The following SMARCA4 variants were observed in gnomAD, a reference collection of about 807,000 sequenced individuals.
SMARCA4 encodes the protein SWI/SNF related BAF chromatin remodeling complex subunit ATPase 4.
A neutral mutation model predicts 193.9 loss-of-function variants in SMARCA4; 31 were observed. The observed-to-expected ratio is 0.16, with a 90% confidence interval of 0.12 to 0.22. The LOEUF (loss-of-function observed/expected upper bound fraction) is 0.22, where lower values mean the gene tolerates loss of function less well. Among genes scored for constraint, SMARCA4 ranks in the 10% least tolerant of loss-of-function variants. SMARCA4 has a pLI of 1.00. For missense variants in SMARCA4, 1,148 were observed against 2,296.0 expected (o/e 0.50, Z 10.22); for synonymous variants, 942 against 933.1 (o/e 1.01, Z -0.17).
intron 33 of SMARCA4, 66 bp from the exon 34 acceptor site, chr19:11,059,978 GC>G: frequency 2.5e-6 from 4 of 1,611,364 alleles, no homozygotes; most frequent in Non-Finnish European, 3.4e-6. Context: ...GCTCCCAGAC[GC>G]CCCTTGCTGT....
chr19:11,019,403 C>T lies in SMARCA4; in HGVS notation c.2506-188C>T, dbSNP rs1050200292. Reference sequence around the variant, plus strand: ...CCTGCACTGCTTCCTCTTCCCCCTGCAGCGCGTGTTCTGCGTGGTGAGGTC... The same window carrying T: ...CCTGCACTGCTTCCTCTTCCCCCTGTAGCGCGTGTTCTGCGTGGTGAGGTC... On this transcript the variant is annotated intron_variant, in intron 17 of 34. Coordinates refer to ENST00000344626, the MANE Select transcript of SMARCA4 (RefSeq NM_003072.5). The surrounding 1 kb of genome is among the most constrained non-coding windows in gnomAD (Gnocchi z 6.1). 4.8e-6 allele frequency: 3 copies of T among 625,334 alleles called. No homozygotes were observed. The highest frequency in any genetic ancestry group is 8.6e-6 in the Non-Finnish European group (3 of 347,198). 38.7% of individuals were successfully genotyped at this position (625,334 alleles called of 1,614,324 possible). A position where few individuals can be genotyped will look rare whatever the true frequency, so the allele number is the denominator to read the frequency against.
chr19:10,966,799 A>G (rs529873601), intron 1 of SMARCA4, among the ~76,000 whole-genome samples: 2 of 151,648 alleles, frequency 1.3e-5, no homozygotes, highest in Non-Finnish European at 2.9e-5. Context: ...GAGGCAGGAG[A>G]ATTGCTTGAA....
intron 13 of SMARCA4, among the ~76,000 whole-genome samples, chr19:11,004,957 A>G (rs761302858): frequency 5.9e-4 from 89 of 151,828 alleles, no homozygotes; most frequent in Non-Finnish European, 1.2e-3. Flanking sequence ...CTCCTGCCTC[A>G]GCCTCCCGGG....
intron 16 of SMARCA4, among the ~76,000 whole-genome samples, chr19:11,013,326 A>G (rs1385930036): frequency 6.6e-6 from 1 of 152,168 alleles, no homozygotes; most frequent in Non-Finnish European, 1.5e-5. Flanking sequence ...CATGTATCTC[A>G]CTGTGTCTTC....
At chr19:11,007,840 G>T in intron 13 of SMARCA4, 62 bp from the exon 14 acceptor site, 1 of 1,595,208 alleles carries the variant, frequency 6.3e-7, no homozygotes, top group Non-Finnish European at 8.6e-7. Flanking sequence ...TTCTCCCCAT[G>T]GGAGTCCCGT....
At chr19:11,050,027 A>G (rs1240437457) in intron 30 of SMARCA4, among the ~76,000 whole-genome samples, 10 of 152,170 alleles carry the variant, frequency 6.6e-5, no homozygotes. Context: ...GCTTGAACCC[A>G]GGAGGAGGTT....
intron 15 of SMARCA4, 98 bp from the exon 16 acceptor site, chr19:11,012,851 A>C: frequency 8.9e-7 from 1 of 1,121,860 alleles, no homozygotes. Context: ...GCTTAGGCAG[A>C]ACTCGTGGCT....
chr19:11,030,998 C>A lies in SMARCA4; in HGVS notation c.3546+105C>A. 1 of 1,096,336 alleles carries A rather than the reference C, an allele frequency of 9.1e-7. No homozygotes were observed. The highest frequency in any genetic ancestry group is 1.3e-6 in the Non-Finnish European group (1 of 743,248). 67.9% of individuals were successfully genotyped at this position (1,096,336 alleles called of 1,614,324 possible). On this transcript the variant is annotated intron_variant, in intron 25 of 34. Transcript: ENST00000344626. The surrounding 1 kb of genome is among the most constrained non-coding windows in gnomAD (Gnocchi z 5.5). ...GGTCCTCCAGCCTCCTCCACATTGT[C>A]TTGGACCCCAGGAGCCGGGAGGAGC...
chr19:10,996,145 C>G (rs563959389), intron 9 of SMARCA4, 68 bp from the exon 10 acceptor site: 1 of 1,552,166 alleles, frequency 6.4e-7, no homozygotes, highest in African/African-American at 1.4e-5. Flanking sequence ...TCTGGATTGA[C>G]TGGCCATGGG....
At chr19:10,979,944 A>C (rs1207364158) in intron 1 of SMARCA4, among the ~76,000 whole-genome samples, 2 of 152,124 alleles carry the variant, frequency 1.3e-5, no homozygotes, top group Non-Finnish European at 2.9e-5. Context: ...GGCATGTACA[A>C]GTCAGTGAGA....
chr19:11,032,288 G>A (rs2074981016), intron 25 of SMARCA4: 1 of 152,414 alleles, frequency 6.6e-6, no homozygotes, highest in African/African-American at 2.4e-5. Context: ...AGCATCACTG[G>A]TACTCACCCT....
chr19:10,997,317 G>GC (rs1275844875), intron 11 of SMARCA4, among the ~76,000 whole-genome samples: 1 of 152,136 alleles, frequency 6.6e-6, no homozygotes, highest in Non-Finnish European at 1.5e-5. Context: ...TCCTGCCTCA[G>GC]CCTCCCGAGT....
intron 32 of SMARCA4, chr19:11,059,217 TAGACTC>T (rs1378478651): frequency 5.4e-5 from 18 of 331,670 alleles, no homozygotes; most frequent in East Asian, 2.1e-4. Context: ...ACAGAAGAAA[TAGACTC>T]AGAGTCCTCT....
At position 10,985,128 on chromosome 19, in the gene SMARCA4, G is replaced by T. The variant is rs574692028; in HGVS notation, c.223-145G>T. 3 of 814,366 alleles carry T rather than the reference G, an allele frequency of 3.7e-6. No homozygotes were observed. The highest frequency in any genetic ancestry group is 6.2e-6 in the Non-Finnish European group (3 of 486,548). The allele number at this position is 814,366 out of a possible 1,614,324, so 50.4% of individuals were successfully genotyped here. Reference sequence around the variant, plus strand: ...TAAGTAGGTGTCAGAACCTTGCCTTGGAGTCATGCTGGGGACTGGGGAGAT... The same window carrying T: ...TAAGTAGGTGTCAGAACCTTGCCTTTGAGTCATGCTGGGGACTGGGGAGAT... On this transcript the variant is annotated intron_variant, in intron 2 of 34. Transcript: ENST00000344626. The surrounding 1 kb of genome is among the most constrained non-coding windows in gnomAD (Gnocchi z 4.5).
At chr19:11,039,745 T>TAA (rs1227170768) in intron 29 of SMARCA4, 8 of 390,090 alleles carry the variant, frequency 2.1e-5, no homozygotes, top group Middle Eastern at 6.5e-4. Context: ...GCCCAGGAGT[T>TAA]AAAGTCCAAC....
chr19:11,036,957 A>G (rs2075303980), intron 29 of SMARCA4, among the ~76,000 whole-genome samples: 1 of 152,236 alleles, frequency 6.6e-6, no homozygotes, highest in Admixed American at 6.5e-5. Context: ...ATGATGCAGC[A>G]GGTGTGTTGC....
rs1279799643 is a variant in SMARCA4, at chr19:11,034,814, C to T, written c.3952-100C>T. The T allele has an allele frequency of 1.5e-5, 12 of 798,590 alleles. No individual in the cohort carries two copies. Among genetic ancestry groups the T allele is most frequent in the East Asian group, 5.3e-5 (2 of 37,668 alleles). 49.5% of individuals were successfully genotyped at this position (798,590 alleles called of 1,614,324 possible). A position where few individuals can be genotyped will look rare whatever the true frequency, so the allele number is the denominator to read the frequency against. ...ACTCTCGCAGCAGCGTGGAGCCCCA[C>T]GGGCAGAGAAAGGCCCTTCTGAACT... On this transcript the variant is annotated intron_variant, in intron 28 of 34. Transcript: ENST00000344626. This position sits in a 1 kb window ranked among gnomAD's most constrained non-coding sequence, Gnocchi z 7.0.
In SMARCA4 at chr19:10,975,441, A is replaced by G. The variant is rs111580365; in HGVS notation, c.-31-8680A>G. On this transcript the variant is annotated intron_variant, in intron 1 of 34. Coordinates refer to ENST00000344626, the MANE Select transcript of SMARCA4 (RefSeq NM_003072.5). ...ATTCTCTTGCCTCAGCTTCCCGAAT[A>G]GCTGGGACTACAGGCCAGCTCCACC... Among the ~76,000 whole-genome samples the G allele has an allele frequency of 3.4e-3, 510 of 151,144 alleles. 7 individuals carry two copies. Among genetic ancestry groups the G allele is most frequent in the African/African-American group, 0.012 (474 of 41,044 alleles).
intron 8 of SMARCA4, among the ~76,000 whole-genome samples, chr19:10,994,262 C>T (rs931818607): frequency 2.7e-5 from 4 of 149,344 alleles, no homozygotes; most frequent in Non-Finnish European, 5.9e-5. Context: ...GGGCTGGTCT[C>T]GAACTCCTGA....
Sources: gnomAD v4.1 joint callset for allele counts (sites outside exome capture counted in the v4.1 genomes callset) on GRCh38, gnomAD v4.1.1 for gene constraint, Gnocchi (gnomAD v3.1) non-coding constraint, MANE v1.5 for transcripts, NCBI Gene and HGNC (gene_info 2026-07-23, HGNC 2026-07-21) for gene names.